The following TSPAN9 variants were observed in gnomAD, a reference collection of about 807,000 sequenced individuals.
TSPAN9 encodes tetraspanin-9.
Under a neutral mutation model 31.0 loss-of-function variants are expected in TSPAN9, and 16 were observed. The observed-to-expected ratio is 0.52, with a 90% CI of 0.35 to 0.78. The LOEUF is 0.78. Ranked by LOEUF, TSPAN9 falls within the 30% of genes least tolerant of loss-of-function variation. TSPAN9 has a pLI of 0.01. For missense variants in TSPAN9, 272 were observed against 312.5 expected, an observed-to-expected ratio of 0.87 and a Z score of 0.98; for synonymous variants, 145 against 121.6, an observed-to-expected ratio of 1.19 and a Z score of -1.27.
At chr12:3,091,863 T>A (rs7980247) in intron 2 of TSPAN9, among the ~76,000 whole-genome samples, 56,015 of 152,044 alleles carry the variant, frequency 0.37, 11,511 homozygotes, top group South Asian at 0.48. Flanking sequence ...CTGAAGACTG[T>A]GTTGGAGGAG....
intron 3 of TSPAN9, among the ~76,000 whole-genome samples, chr12:3,265,353 G>T (rs1862519757): frequency 6.6e-6 from 1 of 152,138 alleles, no homozygotes; most frequent in South Asian, 2.1e-4. Flanking sequence ...TGTAAAATGG[G>T]CTCCACTCAA....
At chr12:3,252,065 C>T (rs751834528) in intron 3 of TSPAN9, among the ~76,000 whole-genome samples, 9 of 152,144 alleles carry the variant, frequency 5.9e-5, no homozygotes, top group Non-Finnish European at 1.0e-4. Context: ...GCTTCTAGCA[C>T]CTGGTCCCTG....
At chr12:3,089,441 CAT>C (rs1385689514) in intron 2 of TSPAN9, among the ~76,000 whole-genome samples, 49 of 150,940 alleles carry the variant, frequency 3.2e-4, no homozygotes, top group South Asian at 1.1e-3. Context: ...GGATTACAGG[CAT>C]GTGCCACCAC....
chr12:3,106,069 TGCACACTCGCTCTTGTGCGCGCAC>T (rs1480301104), intron 2 of TSPAN9, among the ~76,000 whole-genome samples: 2 of 147,564 alleles, frequency 1.4e-5, no homozygotes, highest in Non-Finnish European at 3.0e-5. Flanking sequence ...ACACATAGCA[TGCACACTCGCTCTTGTGCGCGCAC>T]GCACACACAC....
At chr12:3,128,690 C>T (rs1591639774) in intron 2 of TSPAN9, among the ~76,000 whole-genome samples, 1 of 152,320 alleles carries the variant, frequency 6.6e-6, no homozygotes, top group Non-Finnish European at 1.5e-5. Flanking sequence ...CACTCTGTTC[C>T]TCACTAAAAG....
chr12:3,155,922 G>T (rs1363588335), intron 2 of TSPAN9, among the ~76,000 whole-genome samples: 12 of 152,170 alleles, frequency 7.9e-5, no homozygotes, highest in Non-Finnish European at 1.2e-4. Flanking sequence ...TCTTCAGGAC[G>T]CCGAAAGGAC....
At chr12:3,188,692 G>C (rs1469391391) in intron 2 of TSPAN9, among the ~76,000 whole-genome samples, 1 of 152,136 alleles carries the variant, frequency 6.6e-6, no homozygotes. Flanking sequence ...GCCTCACGGA[G>C]CCCAGCCACA....
rs151176395 is a variant in TSPAN9, at chr12:3,177,172, C to T, written c.-17-24005C>T. On this transcript the variant is annotated intron_variant, in intron 2 of 8. Transcript: ENST00000011898. Reference sequence around the variant, plus strand: ...TGTTTTTTTGAGATAGAGTCTCGCTCTGTTGCCCAGGCCGGACTGCAGTGG... The same window carrying T: ...TGTTTTTTTGAGATAGAGTCTCGCTTTGTTGCCCAGGCCGGACTGCAGTGG... Among the ~76,000 whole-genome samples, 1,192 of 152,348 alleles carry T rather than the reference C, an allele frequency of 7.8e-3. 55 individuals carry two copies. Among genetic ancestry groups the T allele is most frequent in the Admixed American group, 0.072 (1,097 of 15,300 alleles).
At chr12:3,151,776 A>G (rs2153968634) in intron 2 of TSPAN9, among the ~76,000 whole-genome samples, 1 of 152,184 alleles carries the variant, frequency 6.6e-6, no homozygotes, top group Middle Eastern at 3.4e-3. Context: ...TAAAAACAAA[A>G]CAAAACAACC....
chr12:3,173,744 G>A (rs577662896), intron 2 of TSPAN9: 4 of 152,184 alleles, frequency 2.6e-5, no homozygotes, highest in Admixed American at 6.5e-5. Flanking sequence ...CCTGTTCCTC[G>A]GCCTCCCAAG....
chr12:3,091,422 T>C (rs1249017446), intron 2 of TSPAN9, among the ~76,000 whole-genome samples: 1 of 152,160 alleles, frequency 6.6e-6, no homozygotes, highest in Non-Finnish European at 1.5e-5. Flanking sequence ...ATGTCACCAA[T>C]GGCAGGGAGG....
chr12:3,128,312 T>C (rs2098328247), intron 2 of TSPAN9, among the ~76,000 whole-genome samples: 1 of 152,200 alleles, frequency 6.6e-6, no homozygotes, highest in Admixed American at 6.5e-5. Flanking sequence ...TGCCCTCCTT[T>C]TGGGCCTGCA....
intron 3 of TSPAN9, among the ~76,000 whole-genome samples, chr12:3,233,784 C>T (rs901179763): frequency 3.9e-5 from 6 of 152,200 alleles, no homozygotes; most frequent in African/African-American, 9.6e-5. Flanking sequence ...TCCTGCATCA[C>T]GGGGCAAGGA....
chr12:3,155,873 G>T (rs1030874063), intron 2 of TSPAN9, among the ~76,000 whole-genome samples: 1 of 152,200 alleles, frequency 6.6e-6, no homozygotes, highest in East Asian at 1.9e-4. Flanking sequence ...GAGATCTCTA[G>T]GGGGAGATAA....
chr12:3,136,114 G>C (rs58152867), intron 2 of TSPAN9, among the ~76,000 whole-genome samples: 1 of 152,290 alleles, frequency 6.6e-6, no homozygotes, highest in Non-Finnish European at 1.5e-5. Flanking sequence ...GGACAACAGC[G>C]TAAGAGCAAG....
chr12:3,136,902 T>G (rs2098332417), intron 2 of TSPAN9, among the ~76,000 whole-genome samples: 3 of 152,304 alleles, frequency 2.0e-5, no homozygotes. Context: ...GCCCCCACTG[T>G]GCACTGTGGA....
At position 3,102,520 on chromosome 12, in the gene TSPAN9, C is replaced by T. The variant is rs140440834; in HGVS notation, c.-18+18801C>T. The stretch of plus-strand genomic sequence containing the variant: ...CGCGATCTCAGCTCACTACAAGCTC[C>T]GCCTCCCACCAGGTTCATGCCATTC... On this transcript the variant is annotated intron_variant, in intron 2 of 8. Coordinates refer to ENST00000011898, the MANE Select transcript of TSPAN9 (RefSeq NM_006675.5). Among the ~76,000 whole-genome samples, 283 of 150,786 alleles carry T rather than the reference C, an allele frequency of 1.9e-3. 1 individual carries two copies. The highest frequency in any genetic ancestry group is 3.4e-3 in the Non-Finnish European group (234 of 67,870).
At chr12:3,254,304 C>T (rs2092137077) in intron 3 of TSPAN9, among the ~76,000 whole-genome samples, 1 of 152,208 alleles carries the variant, frequency 6.6e-6, no homozygotes, top group Non-Finnish European at 1.5e-5. Context: ...CGCTCTCTTC[C>T]TTGCCCTCAT....
chr12:3,159,187 A>G (rs1177723039), intron 2 of TSPAN9, among the ~76,000 whole-genome samples: 1 of 151,440 alleles, frequency 6.6e-6, no homozygotes, highest in Non-Finnish European at 1.5e-5. Context: ...GGCTACGGCA[A>G]CAGGAGGGTG....
Sources: gnomAD v4.1 joint callset for allele counts (sites outside exome capture counted in the v4.1 genomes callset) on GRCh38, gnomAD v4.1.1 for gene constraint, MANE v1.5 for transcripts, NCBI Gene and HGNC (gene_info 2026-07-23, HGNC 2026-07-21) for gene names.